Variants in PDE4D observed in about 807,000 individuals in gnomAD.
The protein encoded by PDE4D is phosphodiesterase 4D.
Under a neutral mutation model 87.4 loss-of-function variants are expected in PDE4D, and 24 were observed. The ratio of observed to expected loss-of-function variants is 0.27; its 90% CI spans 0.20 to 0.39. PDE4D has a LOEUF of 0.39. Ranked by LOEUF, PDE4D falls within the 10% of genes least tolerant of loss-of-function variation. The probability of loss-of-function intolerance (pLI) is 1.00; values close to 1 mark genes in which losing one functional copy is unlikely to be tolerated. For missense variants in PDE4D, 714 were observed against 1,041.0 expected, an observed-to-expected ratio of 0.69 and a Z score of 4.32; for synonymous variants, 384 against 383.2, an observed-to-expected ratio of 1.00 and a Z score of -0.02.
intron 1 of PDE4D, among the ~76,000 whole-genome samples, chr5:59,682,951 C>T (rs1032779852): frequency 2.0e-5 from 3 of 152,240 alleles, no homozygotes; most frequent in East Asian, 3.9e-4. Context: ...ATTAAAGAGA[C>T]ATGACAACTG....
intron 2 of PDE4D, among the ~76,000 whole-genome samples, chr5:60,081,025 G>GT (rs1441790430): frequency 5.9e-5 from 9 of 152,066 alleles, no homozygotes; most frequent in African/African-American, 2.2e-4. Context: ...TTTTTTGGTT[G>GT]GTAGGCCATT....
At chr5:60,029,228 T>A (rs1468164322) in intron 2 of PDE4D, among the ~76,000 whole-genome samples, 1 of 152,118 alleles carries the variant, frequency 6.6e-6, no homozygotes, top group Non-Finnish European at 1.5e-5. Context: ...GGAAAATAAA[T>A]CTTGGGGCCC....
chr5:60,327,229 G>T (rs926512776), intron 1 of PDE4D, among the ~76,000 whole-genome samples: 12 of 152,120 alleles, frequency 7.9e-5, no homozygotes, highest in Non-Finnish European at 1.6e-4. Flanking sequence ...CCTAAATGCT[G>T]TTATACTTGG....
upstream of PDE4D, chr5:60,488,432 CATCT>C (rs1749326161): frequency 6.6e-6 from 1 of 151,752 alleles, no homozygotes; most frequent in African/African-American, 2.4e-5. Context: ...AGGTAATTTT[CATCT>C]TTCTTTTTAT....
intron 3 of PDE4D, among the ~76,000 whole-genome samples, chr5:59,191,990 GA>G (rs1483132578): frequency 6.6e-6 from 1 of 152,118 alleles, no homozygotes; most frequent in East Asian, 1.9e-4. Context: ...GTACTAGAAA[GA>G]ATTCATAATC....
chr5:59,227,055 G>A (rs1753941914), intron 1 of PDE4D, among the ~76,000 whole-genome samples: 1 of 152,196 alleles, frequency 6.6e-6, no homozygotes, highest in South Asian at 2.1e-4. Context: ...AGAGTCAGCT[G>A]TAGTCCCACA....
At chr5:59,336,059 AC>A (rs1401999070) in intron 1 of PDE4D, among the ~76,000 whole-genome samples, 99 of 152,216 alleles carry the variant, frequency 6.5e-4, no homozygotes, top group African/African-American at 2.4e-3. Context: ...CAGCAGCAAA[AC>A]GGTTAAGGCA....
chr5:60,514,879 T>C (rs563517906), intron 1 of PDE4D, among the ~76,000 whole-genome samples: 18 of 151,996 alleles, frequency 1.2e-4, no homozygotes, highest in Admixed American at 6.6e-4. Context: ...AGGCATAGGA[T>C]TGAAAAAGAA....
chr5:60,233,081 T>C (rs563546631), intron 1 of PDE4D, among the ~76,000 whole-genome samples: 35 of 151,662 alleles, frequency 2.3e-4, no homozygotes, highest in African/African-American at 8.2e-4. Context: ...TACCTCAAAG[T>C]GAAATCTCAT....
intron 5 of PDE4D, among the ~76,000 whole-genome samples, chr5:59,062,493 G>A (rs912570880): frequency 1.1e-4 from 17 of 152,104 alleles, no homozygotes; most frequent in Non-Finnish European, 1.5e-4. Flanking sequence ...GCAATCAGAT[G>A]TTTGAGACTA....
chr5:59,872,434 TA>T (rs1747965939), intron 1 of PDE4D, among the ~76,000 whole-genome samples: 1 of 152,190 alleles, frequency 6.6e-6, no homozygotes, highest in Non-Finnish European at 1.5e-5. Flanking sequence ...CAAACTTGGA[TA>T]TAGTCAAATC....
intron 3 of PDE4D, among the ~76,000 whole-genome samples, chr5:59,983,370 A>G (rs1265135656): frequency 6.6e-6 from 1 of 152,100 alleles, no homozygotes; most frequent in Non-Finnish European, 1.5e-5. Flanking sequence ...CACTTCCCTC[A>G]TATTTCACAG....
chr5:60,489,624 T>C (rs1299423334), upstream of PDE4D: 2 of 152,240 alleles, frequency 1.3e-5, no homozygotes, highest in Non-Finnish European at 2.9e-5. Context: ...TCTGTTTAAA[T>C]AGTTTTTATT....
intron 1 of PDE4D, chr5:60,460,352 T>C: frequency 2.0e-6 from 2 of 988,806 alleles, no homozygotes; most frequent in South Asian, 2.6e-5. Context: ...CCTGATTTAA[T>C]ATCTTCAAAT....
chr5:59,219,101 G>A (rs1161600086), intron 1 of PDE4D, among the ~76,000 whole-genome samples: 2 of 148,720 alleles, frequency 1.3e-5, no homozygotes, highest in Admixed American at 6.7e-5. Context: ...GCTAGATGAC[G>A]AGTTAGTGGG....
At chr5:59,739,424 C>T (rs924600911) in intron 1 of PDE4D, among the ~76,000 whole-genome samples, 7 of 151,752 alleles carry the variant, frequency 4.6e-5, no homozygotes, top group Non-Finnish European at 1.0e-4. Flanking sequence ...TGTGTCAAAA[C>T]AACAACAACA....
intron 1 of PDE4D, among the ~76,000 whole-genome samples, chr5:59,685,402 G>T (rs779748862): frequency 5.9e-5 from 9 of 152,128 alleles, no homozygotes; most frequent in Non-Finnish European, 1.3e-4. Context: ...AGTCATAACA[G>T]GAATTCCTTC....
chr5:60,121,440 A>G (rs888184427), intron 2 of PDE4D, among the ~76,000 whole-genome samples: 2 of 152,114 alleles, frequency 1.3e-5, no homozygotes, highest in African/African-American at 4.8e-5. Flanking sequence ...AATTGGACTT[A>G]CACTTCCATG....
At chr5:59,564,153 C>T (rs769696046) in intron 1 of PDE4D, among the ~76,000 whole-genome samples, 13 of 152,128 alleles carry the variant, frequency 8.5e-5, no homozygotes, top group Non-Finnish European at 1.9e-4. Flanking sequence ...TAGAAAAATG[C>T]TATTTCAAAA....
Sources: gnomAD v4.1 joint callset for allele counts (sites outside exome capture counted in the v4.1 genomes callset) on GRCh38, gnomAD v4.1.1 for gene constraint, MANE v1.5 for transcripts, NCBI Gene and HGNC (gene_info 2026-07-23, HGNC 2026-07-21) for gene names.